GPAT4: variants seen among roughly 807,000 people sequenced by gnomAD.
GPAT4 encodes 1-AGP acyltransferase 6.
GPAT4 carries 17 observed loss-of-function variants against 58.0 expected under a neutral mutation model. The ratio of observed to expected loss-of-function variants is 0.29; its 90% CI spans 0.20 to 0.44. GPAT4 has a LOEUF of 0.44. Among genes scored for constraint, GPAT4 ranks in the 20% least tolerant of loss-of-function variants. The probability of loss-of-function intolerance (pLI) is 1.00; values close to 1 mark genes in which losing one functional copy is unlikely to be tolerated. For synonymous variants in GPAT4, 204 were observed against 210.1 expected, an observed-to-expected ratio of 0.97 and a Z score of 0.25; for missense variants, 377 against 574.5, an observed-to-expected ratio of 0.66 and a Z score of 3.51.
At chr8:41,591,485 C>T (rs1200479009) in intron 1 of GPAT4, among the ~76,000 whole-genome samples, 1 of 152,204 alleles carries the variant, frequency 6.6e-6, no homozygotes, top group Non-Finnish European at 1.5e-5. Flanking sequence ...TTCTCACTTT[C>T]TTCTTCACTA....
chr8:41,604,025 A>G (rs536083431), intron 2 of GPAT4, among the ~76,000 whole-genome samples: 2 of 140,764 alleles, frequency 1.4e-5, no homozygotes, highest in Non-Finnish European at 3.1e-5. Context: ...CACAACTTGT[A>G]ACACCTTTTA....
In GPAT4 at chr8:41,598,484, G is replaced by A. The variant is rs969981839; in HGVS notation, c.-656G>A. The A allele has an allele frequency of 6.6e-6, 1 of 152,260 alleles. No homozygotes were observed. The highest frequency in any genetic ancestry group is 1.5e-5 in the Non-Finnish European group (1 of 68,072). The allele number at this position is 152,260 out of a possible 1,614,324, so 9.4% of individuals were successfully genotyped here. ...AAGACTGTAGCTCTCCAGGTAGGAG[G>A]ATCCTGGAAGCTGTGAGCACCAGGA... On this transcript the variant is annotated 5_prime_UTR_variant, in exon 2 of 13. Coordinates refer to ENST00000396987, the MANE Select transcript of GPAT4 (RefSeq NM_178819.4).
chr8:41,595,739 C>T (rs1445870676), intron 1 of GPAT4, among the ~76,000 whole-genome samples: 4 of 151,874 alleles, frequency 2.6e-5, no homozygotes, highest in Non-Finnish European at 5.9e-5. Context: ...TTTCCTTTTG[C>T]CTCTGCCTCT....
chr8:41,612,066 G>C, intron 6 of GPAT4, 74 bp downstream of exon 6: 1 of 1,591,034 alleles, frequency 6.3e-7, no homozygotes, highest in Non-Finnish European at 8.6e-7. Context: ...TTAGCCAAAT[G>C]GGAAGACACT....
intron 1 of GPAT4, among the ~76,000 whole-genome samples, chr8:41,589,325 G>C (rs986558099): frequency 6.7e-6 from 1 of 149,474 alleles, no homozygotes; most frequent in African/African-American, 2.5e-5. Flanking sequence ...CCTGGAGGCT[G>C]GCATTCAGCA....
chr8:41,604,446 A>T (rs770101016), intron 2 of GPAT4, among the ~76,000 whole-genome samples: 1 of 152,176 alleles, frequency 6.6e-6, no homozygotes, highest in Non-Finnish European at 1.5e-5. Context: ...GAGTCACAGA[A>T]GATCTTTGTG....
chr8:41,600,936 T>G (rs939921764), intron 2 of GPAT4, among the ~76,000 whole-genome samples: 1 of 152,086 alleles, frequency 6.6e-6, no homozygotes, highest in African/African-American at 2.4e-5. Flanking sequence ...ACTACTTCTC[T>G]TCTGCTTGTT....
At chr8:41,585,369 G>T (rs892787665) in intron 1 of GPAT4, among the ~76,000 whole-genome samples, 3 of 151,278 alleles carry the variant, frequency 2.0e-5, no homozygotes, top group African/African-American at 7.3e-5. Context: ...TCCTGCCTCT[G>T]TTACCAGCCA....
At chr8:41,593,341 A>G (rs1161696351) in intron 1 of GPAT4, among the ~76,000 whole-genome samples, 1 of 152,238 alleles carries the variant, frequency 6.6e-6, no homozygotes, top group Non-Finnish European at 1.5e-5. Flanking sequence ...AGTCCTTTTT[A>G]GAGTTCCAGC....
In GPAT4 at chr8:41,604,135, A is replaced by G. The variant is rs1346998470; in HGVS notation, c.165+4831A>G. Among the ~76,000 whole-genome samples the G allele has an allele frequency of 2.7e-5, 4 of 148,106 alleles. 1 individual carries two copies. The Middle Eastern group carries it at 0.01, about 386-fold the overall frequency. On this transcript the variant is annotated intron_variant, in intron 2 of 12. Coordinates refer to ENST00000396987, the MANE Select transcript of GPAT4 (RefSeq NM_178819.4). ...AGTGTTTACTTGTTGTTGTGTGTCTACATTTTCTTTTGGCATTTTATCAGC... is the reference window on the plus strand; with the variant it reads ...AGTGTTTACTTGTTGTTGTGTGTCTGCATTTTCTTTTGGCATTTTATCAGC...
At chr8:41,588,442 A>AGTTCTGTTCT (rs57409442) in intron 1 of GPAT4, among the ~76,000 whole-genome samples, 10 of 151,340 alleles carry the variant, frequency 6.6e-5, no homozygotes, top group South Asian at 2.1e-4. Context: ...ATTTAAATTA[A>AGTTCTGTTCT]GTTCTGTTCT....
At chr8:41,612,087 T>A in intron 6 of GPAT4, 93 bp from the exon 7 acceptor site, 1 of 1,587,942 alleles carries the variant, frequency 6.3e-7, no homozygotes, top group Non-Finnish European at 8.6e-7. Context: ...TCTGAGCTTT[T>A]AGTTAGAGCA....
At position 41,598,973 on chromosome 8, in the gene GPAT4, C is replaced by T. The variant is rs1803009440; in HGVS notation, c.-167C>T. 4 of 859,964 alleles carry T rather than the reference C, an allele frequency of 4.7e-6. No homozygotes were observed. Among genetic ancestry groups the T allele is most frequent in the Non-Finnish European group, 7.0e-6 (4 of 570,774 alleles). The allele number at this position is 859,964 out of a possible 1,614,324, so 53.3% of individuals were successfully genotyped here. A position where few individuals can be genotyped will look rare whatever the true frequency, so the allele number is the denominator to read the frequency against. On this transcript the variant is annotated 5_prime_UTR_variant, in exon 2 of 13. Transcript: ENST00000396987. ...GGCCGTGTTTTTCTGTCATTCTGTT[C>T]CCAGGCCTTCTATTCAGGCGGTTGA... is the stretch of plus-strand genomic sequence containing the variant.
intron 2 of GPAT4, among the ~76,000 whole-genome samples, chr8:41,609,149 G>A (rs1459482648): frequency 6.6e-6 from 1 of 152,218 alleles, no homozygotes; most frequent in East Asian, 1.9e-4. Flanking sequence ...AGAGACGTAG[G>A]CAGTGAGGAA....
chr8:41,580,975 A>G (rs989347635), intron 1 of GPAT4, among the ~76,000 whole-genome samples: 4 of 152,206 alleles, frequency 2.6e-5, no homozygotes, highest in African/African-American at 9.7e-5. Context: ...AAAACAAAAC[A>G]AAACTCTCTA....
At position 41,623,311 on chromosome 8, in the gene GPAT4, G is replaced by A. The variant is rs766780349; in HGVS notation, c.*2310G>A. 9 of 152,194 alleles carry A rather than the reference G, an allele frequency of 5.9e-5. No individual in the cohort carries two copies. Among genetic ancestry groups the A allele is most frequent in the Admixed American group, 5.9e-4 (9 of 15,282 alleles). The allele number at this position is 152,194 out of a possible 1,614,324, so 9.4% of individuals were successfully genotyped here. ...CCCATAGTCAGAGTATCTGGTTTGGGGTAACCGAGTTGGTCTTATGGGGCA... is the reference window on the plus strand; with the variant it reads ...CCCATAGTCAGAGTATCTGGTTTGGAGTAACCGAGTTGGTCTTATGGGGCA... On this transcript the variant is annotated 3_prime_UTR_variant, in exon 13 of 13. Coordinates refer to ENST00000396987, the MANE Select transcript of GPAT4 (RefSeq NM_178819.4).
chr8:41,621,143 G>A lies in GPAT4; in HGVS notation c.*142G>A, dbSNP rs1444762220. ...TCTGGATCCCAGGACTCCGGCTTTC[G>A]CCGAGCCGCAGCGGGATCCCTGTGC... On this transcript the variant is annotated 3_prime_UTR_variant, in exon 13 of 13. Transcript: ENST00000396987. 52 of 1,242,560 alleles carry A rather than the reference G, an allele frequency of 4.2e-5. No homozygotes were observed. The highest frequency in any genetic ancestry group is 4.7e-5 in the Non-Finnish European group (43 of 911,256). 77.0% of individuals were successfully genotyped at this position (1,242,560 alleles called of 1,614,324 possible).
chr8:41,608,858 C>A (rs948043388), intron 2 of GPAT4, among the ~76,000 whole-genome samples: 1 of 151,574 alleles, frequency 6.6e-6, no homozygotes, highest in African/African-American at 2.4e-5. Context: ...TCTTTTTTTC[C>A]TTTAACACTA....
chr8:41,582,155 C>T (rs754277210), intron 1 of GPAT4, among the ~76,000 whole-genome samples: 1 of 151,650 alleles, frequency 6.6e-6, no homozygotes, highest in Non-Finnish European at 1.5e-5. Flanking sequence ...AGGCATGCGC[C>T]ACCACGCCCA....
Sources: allele counts gnomAD v4.1 joint callset (sites outside exome capture counted in the v4.1 genomes callset), GRCh38; gene constraint gnomAD v4.1.1; transcripts MANE v1.5; gene names NCBI Gene and HGNC (gene_info 2026-07-23, HGNC 2026-07-21).